SLCO3A1: variants seen among roughly 807,000 people sequenced by gnomAD.
SLCO3A1 encodes the protein PGE1 transporter.
Under a neutral mutation model 63.1 loss-of-function variants are expected in SLCO3A1, and 27 were observed. The ratio of observed to expected loss-of-function variants is 0.43; its 90% CI spans 0.32 to 0.59. SLCO3A1 has a LOEUF of 0.59. Among genes scored for constraint, SLCO3A1 ranks in the 20% least tolerant of loss-of-function variants. The pLI is 0.09. For missense variants in SLCO3A1, 773 were observed against 945.8 expected (o/e 0.82, Z 2.40); for synonymous variants, 473 against 409.9 (o/e 1.15, Z -1.86).
rs1897959409 is a variant in SLCO3A1 at position 91,894,719 on chromosome 15, T to G, written c.181-21274T>G. Among the ~76,000 whole-genome samples the G allele has an allele frequency of 6.6e-6, 1 of 152,138 alleles. No homozygotes were observed. Among genetic ancestry groups the G allele is most frequent in the South Asian group, 2.1e-4 (1 of 4,830 alleles). On this transcript the variant is annotated intron_variant, in intron 1 of 9. Coordinates refer to ENST00000318445, the MANE Select transcript of SLCO3A1 (RefSeq NM_013272.4). The surrounding 1 kb of genome is among the most constrained non-coding windows in gnomAD (Gnocchi z 4.8). ...GTGGGTCTGGGGCAGGGTCTGAGAT[T>G]TTTGAATTTCTAAAAGGCTCTCTGG...
chr15:92,106,782 A>G (rs187555043), intron 4 of SLCO3A1, among the ~76,000 whole-genome samples: 2 of 152,310 alleles, frequency 1.3e-5, no homozygotes, highest in African/African-American at 4.8e-5. Context: ...GTGGTTACAG[A>G]AATGCAGCAA....
At chr15:91,867,522 T>A (rs62757761) in intron 1 of SLCO3A1, among the ~76,000 whole-genome samples, 5 of 151,504 alleles carry the variant, frequency 3.3e-5, no homozygotes, top group Admixed American at 6.6e-5. Context: ...TTTTTTTTTT[T>A]AAATAAAACC....
In SLCO3A1 at chr15:91,890,889, T is replaced by C. The variant is rs1897852909; in HGVS notation, c.181-25104T>C. ...GGCTCAGAAGAAAGGTAGACATTGC[T>C]GGGTGGGGACTGCCCATTCATTTTT... On this transcript the variant is annotated intron_variant, in intron 1 of 9. Transcript: ENST00000318445. Among the ~76,000 whole-genome samples the C allele has an allele frequency of 2.6e-5, 4 of 152,296 alleles. No homozygotes were observed. The South Asian group carries it at 8.3e-4, about 32-fold the overall frequency.
At chr15:92,105,415 C>T (rs1437982026) in intron 4 of SLCO3A1, among the ~76,000 whole-genome samples, 1 of 152,190 alleles carries the variant, frequency 6.6e-6, no homozygotes, top group Non-Finnish European at 1.5e-5. Flanking sequence ...CTTTAGGATG[C>T]AGCAAAGCTC....
Position 91,913,906 on chromosome 15 carries a change from G to C in SLCO3A1, c.181-2087G>C, listed in dbSNP as rs371297599. 1.1e-4 allele frequency among the ~76,000 whole-genome samples: 17 copies of C among 152,070 alleles called. No homozygotes were observed. The East Asian group carries it at 1.9e-3, about 17-fold the overall frequency. Reference sequence around the variant, plus strand: ...TCATTTCCATTGCCAGTGTGTTGACGTGGCCTTTTCTTCTCCCCTCTCTCA... The same window carrying C: ...TCATTTCCATTGCCAGTGTGTTGACCTGGCCTTTTCTTCTCCCCTCTCTCA... On this transcript the variant is annotated intron_variant, in intron 1 of 9. Transcript: ENST00000318445.
intron 9 of SLCO3A1, among the ~76,000 whole-genome samples, chr15:92,159,562 G>A (rs937796431): frequency 8.0e-6 from 1 of 125,164 alleles, no homozygotes; most frequent in Admixed American, 9.3e-5. Context: ...GAAAAACTTT[G>A]GTAGGTTTTT....
intron 2 of SLCO3A1, among the ~76,000 whole-genome samples, chr15:92,077,289 C>T (rs1038708776): frequency 3.3e-5 from 5 of 152,108 alleles, no homozygotes; most frequent in Middle Eastern, 3.2e-3. Context: ...CCTTCTATTA[C>T]CCTGTGGTTG....
At chr15:92,097,511 C>A (rs138014347) in intron 3 of SLCO3A1, among the ~76,000 whole-genome samples, 38 of 152,294 alleles carry the variant, frequency 2.5e-4, no homozygotes, top group South Asian at 8.3e-4. Context: ...TCTGTTTGCC[C>A]GTTAAGGCCC....
At chr15:92,041,847 A>G (rs536970903) in intron 2 of SLCO3A1, among the ~76,000 whole-genome samples, 35 of 152,292 alleles carry the variant, frequency 2.3e-4, no homozygotes, top group South Asian at 1.5e-3. Flanking sequence ...ATTTAATTTT[A>G]ATATTTTAGC....
Position 92,109,115 on chromosome 15 carries a change from T to A in SLCO3A1, c.1009+4573T>A, listed in dbSNP as rs1258836546. Among the ~76,000 whole-genome samples, 3 of 152,308 alleles carry A rather than the reference T, an allele frequency of 2.0e-5. No homozygotes were observed. The East Asian group carries it at 5.8e-4, about 29-fold the overall frequency. On this transcript the variant is annotated intron_variant, in intron 4 of 9. Transcript: ENST00000318445. ...GCATGTATGTATAGACATGGACGCA[T>A]GCACAGATAGCAGGTAATGATTGTT...
intron 2 of SLCO3A1, among the ~76,000 whole-genome samples, chr15:91,978,522 T>C (rs1901205961): frequency 6.6e-6 from 1 of 152,218 alleles, no homozygotes; most frequent in Non-Finnish European, 1.5e-5. Context: ...GGATGTCAGT[T>C]TAAGCCTTGG....
rs1896845453 is a variant in SLCO3A1 at position 91,853,995 on chromosome 15, G to C, written c.87G>C (p.Lys29Asn). ...QGDEAQRNKK[K>N]KKKVSCFSNI... ...ACGAGGCGCAGAGGAACAAGAAAAA[G>C]AAAAAGAAGGTGTCCTGCTTTTCCA... is the stretch of plus-strand genomic sequence containing the variant. The change falls in exon 1 of 10, where the codon AAG becomes AAC. Residue 29 changes from lysine (K) to asparagine (N), a missense_variant. Lys to Asn is a moderately conservative substitution (Grantham distance 94). Around this residue, in one of 3 missense-constraint regions of SLCO3A1, gnomAD observed 69 missense variants for 64.6 expected, o/e 1.07. Coordinates refer to ENST00000318445, the MANE Select transcript of SLCO3A1 (RefSeq NM_013272.4). 7.1e-6 allele frequency: 11 copies of C among 1,540,420 alleles called. No homozygotes were observed. Among genetic ancestry groups the C allele is most frequent in the Non-Finnish European group, 9.6e-6 (11 of 1,142,922 alleles).
chr15:92,113,762 C>G (rs1160675964), intron 4 of SLCO3A1, among the ~76,000 whole-genome samples: 1 of 152,192 alleles, frequency 6.6e-6, no homozygotes, highest in African/African-American at 2.4e-5. Context: ...CAGGCCTCCT[C>G]TCCCACCTGG....
downstream of SLCO3A1, among the ~76,000 whole-genome samples, chr15:92,168,070 C>T (rs1416293068): frequency 2.0e-5 from 3 of 152,144 alleles, no homozygotes; most frequent in Non-Finnish European, 4.4e-5. Flanking sequence ...AGTTTTGGTC[C>T]CTACCCTCCA....
intron 2 of SLCO3A1, among the ~76,000 whole-genome samples, chr15:91,936,154 G>A (rs933388026): frequency 1.3e-5 from 2 of 152,186 alleles, no homozygotes; most frequent in African/African-American, 4.8e-5. Context: ...ATGCTGTAAC[G>A]ATTATAGGAA....
chr15:92,153,875 AAGATGG>A (rs1334148649), intron 9 of SLCO3A1, among the ~76,000 whole-genome samples: 2 of 152,118 alleles, frequency 1.3e-5, no homozygotes, highest in Non-Finnish European at 2.9e-5. Flanking sequence ...GGGACAGAAG[AAGATGG>A]AGCTGGAGAG....
intron 2 of SLCO3A1, among the ~76,000 whole-genome samples, chr15:92,072,174 A>G (rs1034674701): frequency 5.3e-5 from 8 of 151,074 alleles, no homozygotes; most frequent in Admixed American, 1.3e-4. Flanking sequence ...GCGAAGCCTG[A>G]TAAGCGTAAC....
Position 92,069,026 on chromosome 15 carries a change from T to G in SLCO3A1, c.647-25855T>G, listed in dbSNP as rs183598384. 5.9e-5 allele frequency among the ~76,000 whole-genome samples: 9 copies of G among 152,166 alleles called. No individual in the cohort carries two copies. The East Asian group carries it at 9.7e-4, about 16-fold the overall frequency. The stretch of plus-strand genomic sequence containing the variant: ...TGGGCGATAGGGAGACAAAGAGAAA[T>G]AAGACCGAGGTTCTTCCCCTCAATA... On this transcript the variant is annotated intron_variant, in intron 2 of 9. Coordinates refer to ENST00000318445, the MANE Select transcript of SLCO3A1 (RefSeq NM_013272.4).
In SLCO3A1 at chr15:91,894,281, C is replaced by T. The variant is rs1370697455; in HGVS notation, c.181-21712C>T. On this transcript the variant is annotated intron_variant, in intron 1 of 9. Transcript: ENST00000318445. This position sits in a 1 kb window ranked among gnomAD's most constrained non-coding sequence, Gnocchi z 4.8. ...TAGCATCTTGCAGGCCAGGAGGGTC[C>T]GGAGTTAGGATTTTATTCCAGGCCC... Among the ~76,000 whole-genome samples, 6 of 151,974 alleles carry T rather than the reference C, an allele frequency of 3.9e-5. No homozygotes were observed. Among genetic ancestry groups the T allele is most frequent in the Admixed American group, 1.3e-4 (2 of 15,258 alleles).
Sources: allele counts gnomAD v4.1 joint callset (sites outside exome capture counted in the v4.1 genomes callset), GRCh38; gene constraint gnomAD v4.1.1; regional missense constraint gnomAD v4.1.1; non-coding constraint Gnocchi (gnomAD v3.1); transcripts MANE v1.5; gene names NCBI Gene and HGNC (gene_info 2026-07-23, HGNC 2026-07-21).